Variants in EPC2 observed in about 807,000 individuals in gnomAD.
EPC2 encodes the protein enhancer of polycomb homolog 2.
EPC2 carries 14 observed loss-of-function variants against 92.1 expected under a neutral mutation model. The observed-to-expected ratio is 0.15, with a 90% CI of 0.10 to 0.24. EPC2 has a LOEUF of 0.24. Ranked by LOEUF, EPC2 falls within the 10% of genes least tolerant of loss-of-function variation. The pLI is 1.00. For missense variants in EPC2, 755 were observed against 971.5 expected (o/e 0.78, Z 2.96); for synonymous variants, 340 against 334.7 (o/e 1.02, Z -0.17).
chr2:148,700,384 T>C (rs1681847439), intron 2 of EPC2, among the ~76,000 whole-genome samples: 2 of 152,192 alleles, frequency 1.3e-5, no homozygotes, highest in East Asian at 3.9e-4. Flanking sequence ...TGATCCATTT[T>C]GAGTTAATTT....
At position 148,762,663 on chromosome 2, in the gene EPC2, T is replaced by A; in HGVS notation, c.816-7T>A. On this transcript the variant is annotated splice_region_variant and splice_polypyrimidine_tract_variant and intron_variant, in intron 5 of 13. Transcript: ENST00000258484. Reference sequence around the variant, plus strand: ...ATGTTTTCTTATATTTTTGTTACCTTTTCAAGATACCATTTGGGAGACTAT... The same window carrying A: ...ATGTTTTCTTATATTTTTGTTACCTATTCAAGATACCATTTGGGAGACTAT... 1 of 1,577,974 alleles carries A rather than the reference T, an allele frequency of 6.3e-7. No individual in the cohort carries two copies. The highest frequency in any genetic ancestry group is 8.6e-7 in the Non-Finnish European group (1 of 1,163,556).
At chr2:148,680,090 T>C (rs112429550) in intron 1 of EPC2, among the ~76,000 whole-genome samples, 5,320 of 104,882 alleles carry the variant, frequency 0.051, 112 homozygotes, top group Non-Finnish European at 0.072. Context: ...CTCAAGCCCC[T>C]TTTTTTTTTT....
chr2:148,782,845 A>T (rs529334876), intron 11 of EPC2, among the ~76,000 whole-genome samples: 2 of 152,344 alleles, frequency 1.3e-5, no homozygotes, highest in Admixed American at 1.3e-4. Context: ...TTTAGGTCTT[A>T]AGTTTTATTG....
chr2:148,709,238 T>C (rs1044439554), intron 2 of EPC2, among the ~76,000 whole-genome samples: 15 of 152,190 alleles, frequency 9.9e-5, no homozygotes, highest in Admixed American at 2.0e-4. Flanking sequence ...GGAACTCCCA[T>C]TCACAATTGC....
chr2:148,725,827 C>T (rs1324979238), intron 2 of EPC2, among the ~76,000 whole-genome samples: 1 of 152,018 alleles, frequency 6.6e-6, no homozygotes, highest in Non-Finnish European at 1.5e-5. Flanking sequence ...ATATACATAA[C>T]ATAAATTTAC....
chr2:148,708,791 G>T (rs186273610), intron 2 of EPC2, among the ~76,000 whole-genome samples: 1 of 152,158 alleles, frequency 6.6e-6, no homozygotes, highest in Non-Finnish European at 1.5e-5. Context: ...ACAAAATTCA[G>T]CATCCCTTCA....
At chr2:148,764,306 T>C (rs1432466346) in intron 6 of EPC2, among the ~76,000 whole-genome samples, 1 of 152,186 alleles carries the variant, frequency 6.6e-6, no homozygotes, top group Non-Finnish European at 1.5e-5. Context: ...AATGCCAGTA[T>C]GTTAAAACAG....
chr2:148,714,579 T>TAATAATTGCCA (rs1158457662), intron 2 of EPC2, among the ~76,000 whole-genome samples: 7 of 152,172 alleles, frequency 4.6e-5, no homozygotes, highest in Non-Finnish European at 8.8e-5. Context: ...CATCTGTTGT[T>TAATAATTGCCA]TTTTGACTTT....
chr2:148,674,594 T>C (rs1681226682), intron 1 of EPC2, among the ~76,000 whole-genome samples: 1 of 152,198 alleles, frequency 6.6e-6, no homozygotes. Flanking sequence ...ATCCAAAGTA[T>C]ACCAGTCCAT....
At chr2:148,670,850 A>T (rs979434218) in intron 1 of EPC2, among the ~76,000 whole-genome samples, 3 of 151,844 alleles carry the variant, frequency 2.0e-5, no homozygotes, top group Non-Finnish European at 2.9e-5. Context: ...CGTGCCACCT[A>T]TTTTTGTTTA....
At chr2:148,762,848 C>G (rs746969470) in intron 6 of EPC2, 46 bp downstream of exon 6, 2 of 1,537,486 alleles carry the variant, frequency 1.3e-6, no homozygotes, top group South Asian at 2.6e-5. Context: ...TAATGTTGAT[C>G]AGAGGAGTTA....
intron 2 of EPC2, among the ~76,000 whole-genome samples, chr2:148,718,536 C>G (rs1682302723): frequency 6.6e-6 from 1 of 152,120 alleles, no homozygotes; most frequent in Non-Finnish European, 1.5e-5. Context: ...GGTGGAAATT[C>G]TTTTCTTTAA....
At chr2:148,698,047 A>C (rs80145525) in intron 2 of EPC2, among the ~76,000 whole-genome samples, 2,226 of 152,306 alleles carry the variant, frequency 0.015, 55 homozygotes, top group African/African-American at 0.05. Context: ...AACAAACAAA[A>C]AAAAAAAGGT....
intron 1 of EPC2, among the ~76,000 whole-genome samples, chr2:148,646,917 C>T (rs141916894): frequency 0.032 from 4,903 of 152,072 alleles, 259 homozygotes; most frequent in African/African-American, 0.11. Context: ...CGAGACCAGC[C>T]TGGCCAGTAT....
intron 1 of EPC2, among the ~76,000 whole-genome samples, chr2:148,654,331 A>G (rs181521414): frequency 1.1e-4 from 16 of 152,306 alleles, no homozygotes; most frequent in Admixed American, 1.0e-3. Context: ...CTTATACAGG[A>G]TAACAAATAT....
At chr2:148,759,139 C>T (rs1368617860) in intron 4 of EPC2, among the ~76,000 whole-genome samples, 2 of 152,216 alleles carry the variant, frequency 1.3e-5, no homozygotes, top group African/African-American at 4.8e-5. Context: ...GTCGCCCAGG[C>T]TGGAGTGCAG....
intron 6 of EPC2, among the ~76,000 whole-genome samples, chr2:148,764,093 T>C (rs1343432523): frequency 3.3e-5 from 5 of 152,220 alleles, no homozygotes; most frequent in African/African-American, 9.6e-5. Flanking sequence ...GTAATAGTTA[T>C]ACCTATTATA....
At chr2:148,690,833 T>G (rs915578757) in intron 2 of EPC2, among the ~76,000 whole-genome samples, 5 of 152,116 alleles carry the variant, frequency 3.3e-5, no homozygotes, top group Non-Finnish European at 7.4e-5. Context: ...CAGCTGATGT[T>G]TGTATTTTTA....
chr2:148,711,724 A>G (rs1169970663), intron 2 of EPC2, among the ~76,000 whole-genome samples: 2 of 152,040 alleles, frequency 1.3e-5, no homozygotes, highest in African/African-American at 4.8e-5. Context: ...TTTTTTTCCT[A>G]GCAGTTATAT....
Sources: gnomAD v4.1 joint callset for allele counts (sites outside exome capture counted in the v4.1 genomes callset) on GRCh38, gnomAD v4.1.1 for gene constraint, MANE v1.5 for transcripts, NCBI Gene and HGNC (gene_info 2026-07-23, HGNC 2026-07-21) for gene names.